The following PTPRG variants were observed in gnomAD, a reference collection of about 807,000 sequenced individuals.
PTPRG encodes protein tyrosine phosphatase receptor type G.
Under a neutral mutation model 165.3 loss-of-function variants are expected in PTPRG, and 102 were observed. The observed-to-expected ratio is 0.62, with a 90% CI of 0.53 to 0.73. The LOEUF (loss-of-function observed/expected upper bound fraction) is 0.73. Ranked by LOEUF, PTPRG falls within the 30% of genes least tolerant of loss-of-function variation. The probability of loss-of-function intolerance (pLI) is 0.00; values close to 1 mark genes in which losing one functional copy is unlikely to be tolerated. For synonymous variants in PTPRG, 675 were observed against 669.5 expected (o/e 1.01, Z -0.13); for missense variants, 1,866 against 1,861.4 (o/e 1.00, Z -0.05).
chr3:61,912,341 G>A (rs1272641505), intron 2 of PTPRG, among the ~76,000 whole-genome samples: 1 of 151,968 alleles, frequency 6.6e-6, no homozygotes, highest in Admixed American at 6.6e-5. Context: ...AAGGTAGGAG[G>A]AATTTGCATA....
chr3:61,703,789 T>A (rs1208289717), intron 1 of PTPRG, among the ~76,000 whole-genome samples: 3 of 152,178 alleles, frequency 2.0e-5, no homozygotes, highest in African/African-American at 7.2e-5. Context: ...ATAAAGGAAA[T>A]TCCCAATTCT....
chr3:61,841,251 A>T (rs2036624204), intron 2 of PTPRG, among the ~76,000 whole-genome samples: 1 of 152,244 alleles, frequency 6.6e-6, no homozygotes, highest in Non-Finnish European at 1.5e-5. Context: ...AGTGAGCAGG[A>T]AAGAACCTTT....
chr3:61,808,884 G>T (rs1433446999), intron 2 of PTPRG, among the ~76,000 whole-genome samples: 1 of 151,298 alleles, frequency 6.6e-6, no homozygotes. Context: ...TAGACCTTTT[G>T]TATCTTTGTT....
chr3:62,213,987 AG>A lies in PTPRG; in HGVS notation c.2156-4863del, dbSNP rs1218693206. 6.6e-6 allele frequency among the ~76,000 whole-genome samples: 1 copy of A among 152,158 alleles called. No homozygotes were observed. The highest frequency in any genetic ancestry group is 2.4e-5 in the African/African-American group (1 of 41,442). On this transcript the variant is annotated intron_variant, in intron 12 of 29. Transcript: ENST00000474889. This position sits in a 1 kb window ranked among gnomAD's most constrained non-coding sequence, Gnocchi z 4.4. ...TGAGGCAGGAGGATCCCTTGAGCCC[AG>A]AAGTTCGAGACCAGCCTGGGCAACA...
At chr3:61,623,472 A>G (rs1701518324) in intron 1 of PTPRG, among the ~76,000 whole-genome samples, 1 of 152,144 alleles carries the variant, frequency 6.6e-6, no homozygotes, top group Admixed American at 6.6e-5. Flanking sequence ...GGCTTTGATC[A>G]TAGAGTGGAT....
chr3:61,888,619 C>T (rs750914361), intron 2 of PTPRG, among the ~76,000 whole-genome samples: 2 of 152,174 alleles, frequency 1.3e-5, no homozygotes, highest in African/African-American at 2.4e-5. Context: ...GCTTGAGCCA[C>T]AGTACCCAGC....
chr3:61,575,574 C>A (rs1575512062), intron 1 of PTPRG, among the ~76,000 whole-genome samples: 1 of 148,782 alleles, frequency 6.7e-6, no homozygotes. Flanking sequence ...TGCAAAGCAC[C>A]AGAAAAGCAT....
intron 1 of PTPRG, among the ~76,000 whole-genome samples, chr3:61,689,140 T>C (rs1440817630): frequency 6.6e-6 from 1 of 152,228 alleles, no homozygotes; most frequent in African/African-American, 2.4e-5. Context: ...GTATTTACTA[T>C]TGGCCTAAGA....
At chr3:62,146,510 G>A (rs1704127854) in intron 6 of PTPRG, among the ~76,000 whole-genome samples, 1 of 152,214 alleles carries the variant, frequency 6.6e-6, no homozygotes, top group East Asian at 1.9e-4. Flanking sequence ...AAGGCCATGA[G>A]GCATGCATTT....
At chr3:62,155,825 TA>T (rs1282732483) in intron 6 of PTPRG, among the ~76,000 whole-genome samples, 5 of 152,054 alleles carry the variant, frequency 3.3e-5, no homozygotes, top group Non-Finnish European at 5.9e-5. Context: ...AAGGAGGAGG[TA>T]TGAGGCTTGG....
At chr3:62,041,936 C>T (rs909022201) in intron 4 of PTPRG, among the ~76,000 whole-genome samples, 4 of 152,124 alleles carry the variant, frequency 2.6e-5, no homozygotes, top group African/African-American at 7.2e-5. Flanking sequence ...TAACCTTCAT[C>T]GCCTCTTAAT....
chr3:61,773,937 G>T lies in PTPRG; in HGVS notation c.190+24955G>T, dbSNP rs558260306. Among the ~76,000 whole-genome samples the T allele has an allele frequency of 3.3e-5, 5 of 152,018 alleles. No individual in the cohort carries two copies. The East Asian group carries it at 7.8e-4, about 24-fold the overall frequency. On this transcript the variant is annotated intron_variant, in intron 2 of 29. Coordinates refer to ENST00000474889, the MANE Select transcript of PTPRG (RefSeq NM_002841.4). ...TTACAGGCGTGCACCACCACGCGTGGCTAATTTTTGTGTTTTTAATAGAGA... is the reference window on the plus strand; with the variant it reads ...TTACAGGCGTGCACCACCACGCGTGTCTAATTTTTGTGTTTTTAATAGAGA...
intron 2 of PTPRG, among the ~76,000 whole-genome samples, chr3:61,826,179 A>T (rs2036104230): frequency 6.6e-6 from 1 of 152,260 alleles, no homozygotes; most frequent in East Asian, 1.9e-4. Context: ...TAGTAGGGAG[A>T]AGCCTCCTGA....
intron 5 of PTPRG, among the ~76,000 whole-genome samples, chr3:62,124,802 C>T (rs1322136883): frequency 6.6e-6 from 1 of 152,206 alleles, no homozygotes; most frequent in Non-Finnish European, 1.5e-5. Context: ...AAATGATCCT[C>T]CTGCCTCAGC....
intron 2 of PTPRG, among the ~76,000 whole-genome samples, chr3:61,828,293 C>A (rs1186922394): frequency 6.6e-6 from 1 of 152,200 alleles, no homozygotes; most frequent in East Asian, 1.9e-4. Context: ...CTGGGTGACA[C>A]AGTATGGAAG....
At chr3:62,049,005 C>T (rs10490776) in intron 4 of PTPRG, among the ~76,000 whole-genome samples, 4,720 of 151,842 alleles carry the variant, frequency 0.031, 106 homozygotes, top group South Asian at 0.11. Context: ...GAATATTTTG[C>T]GAATGGAGTC....
At chr3:62,179,887 CATTGGAG>C (rs1705580487) in intron 8 of PTPRG, among the ~76,000 whole-genome samples, 1 of 152,194 alleles carries the variant, frequency 6.6e-6, no homozygotes, top group Non-Finnish European at 1.5e-5. Flanking sequence ...GGAACCCAAA[CATTGGAG>C]TTCATCCTAC....
chr3:61,609,435 C>T (rs923781432), intron 1 of PTPRG, among the ~76,000 whole-genome samples: 1 of 152,210 alleles, frequency 6.6e-6, no homozygotes, highest in Admixed American at 6.5e-5. Flanking sequence ...CAAGGAAGAG[C>T]TGAGTTGTAT....
chr3:61,957,452 G>A (rs537041448), intron 2 of PTPRG, among the ~76,000 whole-genome samples: 3 of 152,346 alleles, frequency 2.0e-5, no homozygotes, highest in South Asian at 4.1e-4. Context: ...ATGATGCACT[G>A]TGCTGTATAA....
Sources: gnomAD v4.1 joint callset for allele counts (sites outside exome capture counted in the v4.1 genomes callset) on GRCh38, gnomAD v4.1.1 for gene constraint, Gnocchi (gnomAD v3.1) non-coding constraint, MANE v1.5 for transcripts, NCBI Gene and HGNC (gene_info 2026-07-23, HGNC 2026-07-21) for gene names.